SPMIP11: variants seen among roughly 807,000 people sequenced by gnomAD.
The protein encoded by SPMIP11 is long intergenic non-protein coding RNA 935.
the SPMIP11 span, among the ~76,000 whole-genome samples, chr12:48,752,141 A>G: frequency 1.3e-5 from 2 of 152,142 alleles, no homozygotes; most frequent in Admixed American, 6.6e-5. Context: ...AACGTACCTA[A>G]GACCTAGCAC....
the SPMIP11 span, chr12:48,764,791 G>A: frequency 2.9e-6 from 2 of 686,848 alleles, no homozygotes; most frequent in Non-Finnish European, 2.7e-6. Flanking sequence ...CCCTGAGGCA[G>A]AACAGTGAGC....
chr12:48,745,802 T>G, the SPMIP11 span, among the ~76,000 whole-genome samples: 1 of 152,292 alleles, frequency 6.6e-6, no homozygotes. Flanking sequence ...ATCATAAAGT[T>G]AAAATCAAGA....
At chr12:48,729,021 A>T in the SPMIP11 span, among the ~76,000 whole-genome samples, 2 of 152,360 alleles carry the variant, frequency 1.3e-5, no homozygotes, top group African/African-American at 4.8e-5. Flanking sequence ...TGTAGGGTGA[A>T]TGGATGAATA....
At chr12:48,739,692 T>C in the SPMIP11 span, among the ~76,000 whole-genome samples, 1 of 152,142 alleles carries the variant, frequency 6.6e-6, no homozygotes, top group Non-Finnish European at 1.5e-5. Flanking sequence ...TGGGTGGTAC[T>C]ATACGCTTTT....
the SPMIP11 span, among the ~76,000 whole-genome samples, chr12:48,758,090 C>T: frequency 6.6e-6 from 1 of 152,108 alleles, no homozygotes; most frequent in South Asian, 2.1e-4. Context: ...ATCGCTTGAG[C>T]CCATAAGTTC....
chr12:48,748,053 A>G, the SPMIP11 span, among the ~76,000 whole-genome samples: 84 of 152,196 alleles, frequency 5.5e-4, no homozygotes, highest in African/African-American at 1.8e-3. Context: ...ACTATTTCAC[A>G]TCTCCCTCCT....
At chr12:48,765,765 A>G in the SPMIP11 span, 6 of 684,418 alleles carry the variant, frequency 8.8e-6, no homozygotes, top group South Asian at 9.2e-5. Flanking sequence ...AGATGGAGAA[A>G]GCACAGTAAA....
chr12:48,755,901 A>G, the SPMIP11 span, among the ~76,000 whole-genome samples: 1 of 132,198 alleles, frequency 7.6e-6, no homozygotes. Flanking sequence ...TTTTTGAGAC[A>G]GAGTCTTGCT....
chr12:48,730,192 A>G, the SPMIP11 span, among the ~76,000 whole-genome samples: 1 of 152,200 alleles, frequency 6.6e-6, no homozygotes, highest in Non-Finnish European at 1.5e-5. Flanking sequence ...CCTGGGCATC[A>G]TTTCTTTATA....
chr12:48,750,010 C>A, the SPMIP11 span, among the ~76,000 whole-genome samples: 11 of 151,520 alleles, frequency 7.3e-5, no homozygotes, highest in African/African-American at 2.4e-4. Context: ...ATCTGCCATT[C>A]TCTCTTGAGC....
chr12:48,761,590 C>T, the SPMIP11 span, among the ~76,000 whole-genome samples: 1 of 140,074 alleles, frequency 7.1e-6, no homozygotes, highest in Non-Finnish European at 1.5e-5. Context: ...CCAGCCTGGG[C>T]AACAGAGCAA....
chr12:48,761,719 CTTTT>C, the SPMIP11 span, among the ~76,000 whole-genome samples: 4 of 95,256 alleles, frequency 4.2e-5, no homozygotes, highest in East Asian at 3.1e-4. Context: ...ATATAACATT[CTTTT>C]TTTTTTTTTT....
chr12:48,749,882 G>A, the SPMIP11 span, among the ~76,000 whole-genome samples: 1 of 151,170 alleles, frequency 6.6e-6, no homozygotes, highest in Non-Finnish European at 1.5e-5. Context: ...TAGTAGAGAT[G>A]GGGTTTCACC....
the SPMIP11 span, among the ~76,000 whole-genome samples, chr12:48,745,094 C>A: frequency 6.6e-6 from 1 of 151,948 alleles, no homozygotes; most frequent in Non-Finnish European, 1.5e-5. Context: ...CAAGGTGAAA[C>A]CCCGTCTCTA....
chr12:48,732,257 T>G, the SPMIP11 span, among the ~76,000 whole-genome samples: 1 of 152,164 alleles, frequency 6.6e-6, no homozygotes, highest in South Asian at 2.1e-4. Flanking sequence ...ATTTTCCTTC[T>G]GGGACAAGAA....
At chr12:48,771,048 C>T in the SPMIP11 span, 27 of 1,436,858 alleles carry the variant, frequency 1.9e-5, no homozygotes, top group Middle Eastern at 1.9e-4. The surrounding 1 kb of genome is among the most constrained non-coding windows in gnomAD (Gnocchi z 4.3). Context: ...TTTCTTGCCA[C>T]GCCTTGGCTG....
chr12:48,746,545 T>C, the SPMIP11 span, among the ~76,000 whole-genome samples: 1 of 151,820 alleles, frequency 6.6e-6, no homozygotes, highest in Non-Finnish European at 1.5e-5. Flanking sequence ...TTTTGTATTT[T>C]TAGTAGGGAC....
the SPMIP11 span, among the ~76,000 whole-genome samples, chr12:48,731,221 G>A: frequency 6.6e-6 from 1 of 152,112 alleles, no homozygotes; most frequent in African/African-American, 2.4e-5. Flanking sequence ...GGCCGGGCAC[G>A]GTGGCTCACG....
the SPMIP11 span, chr12:48,771,369 T>C: frequency 4.0e-6 from 2 of 498,524 alleles, no homozygotes; most frequent in African/African-American, 1.9e-5. The surrounding 1 kb of genome is among the most constrained non-coding windows in gnomAD (Gnocchi z 4.3). Context: ...TTTTCTCTAT[T>C]CAGAGGACCA....
Sources: allele counts gnomAD v4.1 joint callset (sites outside exome capture counted in the v4.1 genomes callset), GRCh38; gene constraint gnomAD v4.1.1; non-coding constraint Gnocchi (gnomAD v3.1); transcripts MANE v1.5; gene names NCBI Gene and HGNC (gene_info 2026-07-23, HGNC 2026-07-21).